FAM135B: variants seen among roughly 807,000 people sequenced by gnomAD.
FAM135B encodes protein FAM135B.
Under a neutral mutation model 127.7 loss-of-function variants are expected in FAM135B, and 43 were observed. The ratio of observed to expected loss-of-function variants is 0.34; its 90% CI spans 0.26 to 0.43. FAM135B has a LOEUF of 0.43. Among genes scored for constraint, FAM135B ranks in the 20% least tolerant of loss-of-function variants. The probability of loss-of-function intolerance (pLI) is 1.00; values close to 1 mark genes in which losing one functional copy is unlikely to be tolerated. For synonymous variants in FAM135B, 670 were observed against 665.1 expected (o/e 1.01, Z -0.11); for missense variants, 1,558 against 1,725.6 (o/e 0.90, Z 1.72).
intron 3 of FAM135B, among the ~76,000 whole-genome samples, chr8:138,289,197 G>C (rs1230424497): frequency 6.6e-6 from 1 of 152,154 alleles, no homozygotes; most frequent in African/African-American, 2.4e-5. Flanking sequence ...GATTCTTGCA[G>C]ACAGGTTGTC....
chr8:138,171,098 T>C lies in FAM135B; in HGVS notation c.1104-3049A>G, dbSNP rs556108522. 1.9e-3 allele frequency among the ~76,000 whole-genome samples: 288 copies of C among 152,278 alleles called. 2 individuals carry two copies. The highest frequency in any genetic ancestry group is 6.8e-3 in the Middle Eastern group (2 of 294). ...TGAGCCACGCTGCCAGCTCCCTTGG[T>C]CCTCCAGCTTGCAGAAGGCCCATCA... On this transcript the variant is annotated intron_variant, in intron 11 of 19. Coordinates refer to ENST00000395297, the MANE Select transcript of FAM135B (RefSeq NM_015912.4).
chr8:138,149,132 TAAAA>T lies in FAM135B; in HGVS notation c.3282-450_3282-447del, dbSNP rs1179901613. Among the ~76,000 whole-genome samples, 618 of 85,430 alleles carry T rather than the reference TAAAA, an allele frequency of 7.2e-3. 10 individuals carry two copies. The highest frequency in any genetic ancestry group is 0.026 in the African/African-American group (576 of 22,156). The allele number at this position is 85,430 out of a possible 152,430, so 56.0% of individuals were successfully genotyped here. A position where few individuals can be genotyped will look rare whatever the true frequency, so the allele number is the denominator to read the frequency against. On this transcript the variant is annotated intron_variant, in intron 13 of 19. Coordinates refer to ENST00000395297, the MANE Select transcript of FAM135B (RefSeq NM_015912.4). ...TACCCTAAAACTTAAAGTATAATAA[TAAAA>T]AAATAAATAAATAAATAAATAAATA... is the stretch of plus-strand genomic sequence containing the variant.
chr8:138,246,915 G>A (rs774739937), intron 6 of FAM135B, among the ~76,000 whole-genome samples: 2 of 152,196 alleles, frequency 1.3e-5, no homozygotes, highest in Non-Finnish European at 2.9e-5. Flanking sequence ...GCCTGGATGT[G>A]AGACATGGAG....
intron 1 of FAM135B, among the ~76,000 whole-genome samples, chr8:138,383,623 A>T (rs1832004339): frequency 1.3e-5 from 2 of 152,250 alleles, no homozygotes; most frequent in South Asian, 4.1e-4. Context: ...TTAATCTTCA[A>T]AACTCAACAT....
At chr8:138,135,719 C>T (rs138471216) in intron 19 of FAM135B, among the ~76,000 whole-genome samples, 94 of 152,274 alleles carry the variant, frequency 6.2e-4, no homozygotes, top group African/African-American at 2.1e-3. Context: ...AAAGTTTACA[C>T]ATGCAAAGTC....
At chr8:138,204,210 G>A (rs1817380720) in intron 7 of FAM135B, among the ~76,000 whole-genome samples, 1 of 152,116 alleles carries the variant, frequency 6.6e-6, no homozygotes. Flanking sequence ...CAGAGCTTTA[G>A]TGGCACTTCT....
At chr8:138,155,687 A>G (rs1440153512) in intron 12 of FAM135B, among the ~76,000 whole-genome samples, 1 of 152,210 alleles carries the variant, frequency 6.6e-6, no homozygotes, top group Non-Finnish European at 1.5e-5. Context: ...CAAAGACCAA[A>G]AAAGACAAAG....
chr8:138,491,849 G>C (rs1295742798), intron 1 of FAM135B, among the ~76,000 whole-genome samples: 2 of 152,200 alleles, frequency 1.3e-5, no homozygotes, highest in African/African-American at 4.8e-5. Context: ...GTGATTACCA[G>C]GGAGAAGAAT....
rs1033303507 is a variant in FAM135B at position 138,241,189 on chromosome 8, C to T, written c.669+1753G>A. On this transcript the variant is annotated intron_variant, in intron 7 of 19. Transcript: ENST00000395297. The surrounding 1 kb of genome is among the most constrained non-coding windows in gnomAD (Gnocchi z 4.8). ...TGTAGCAAAGGACCCACAGCAGGGA[C>T]AGTCCAATGACATGCTACAGGGCTC... Among the ~76,000 whole-genome samples, 4 of 152,212 alleles carry T rather than the reference C, an allele frequency of 2.6e-5. No homozygotes were observed. The highest frequency in any genetic ancestry group is 6.5e-5 in the Admixed American group (1 of 15,278).
intron 4 of FAM135B, among the ~76,000 whole-genome samples, chr8:138,261,188 G>A (rs1224284034): frequency 6.6e-6 from 1 of 151,946 alleles, no homozygotes; most frequent in Non-Finnish European, 1.5e-5. Context: ...ACCTCTGTCT[G>A]AATCACCAGG....
chr8:138,455,919 C>T (rs1411188100), intron 1 of FAM135B, among the ~76,000 whole-genome samples: 3 of 152,208 alleles, frequency 2.0e-5, no homozygotes. Context: ...CAGATCTACA[C>T]CCTCCATATG....
At chr8:138,193,289 G>A (rs1181919214) in intron 9 of FAM135B, among the ~76,000 whole-genome samples, 1 of 152,228 alleles carries the variant, frequency 6.6e-6, no homozygotes, top group Non-Finnish European at 1.5e-5. Context: ...CAAGCACTTA[G>A]AACTGTGCCA....
chr8:138,191,200 C>T (rs1239502024), intron 9 of FAM135B, among the ~76,000 whole-genome samples: 1 of 152,240 alleles, frequency 6.6e-6, no homozygotes, highest in Admixed American at 6.5e-5. Flanking sequence ...GCACTGTGCA[C>T]CTGTGACCCC....
intron 1 of FAM135B, among the ~76,000 whole-genome samples, chr8:138,431,338 C>T (rs938031952): frequency 2.0e-5 from 3 of 152,116 alleles, no homozygotes; most frequent in Non-Finnish European, 4.4e-5. Flanking sequence ...TCATAATATG[C>T]CTCTTAATTA....
At chr8:138,464,402 C>G (rs1157375714) in intron 1 of FAM135B, among the ~76,000 whole-genome samples, 5 of 152,086 alleles carry the variant, frequency 3.3e-5, no homozygotes, top group African/African-American at 1.2e-4. Context: ...AAAACCTCCC[C>G]CCCAACACAT....
chr8:138,175,249 C>G (rs4243886), intron 11 of FAM135B, among the ~76,000 whole-genome samples: 90,150 of 152,024 alleles, frequency 0.59, 27,382 homozygotes, highest in East Asian at 0.98. Context: ...TGGACTGGTC[C>G]CTACTGCCCT....
intron 1 of FAM135B, among the ~76,000 whole-genome samples, chr8:138,448,974 G>C (rs1373370036): frequency 1.3e-5 from 2 of 152,100 alleles, no homozygotes; most frequent in Non-Finnish European, 2.9e-5. Flanking sequence ...TTTCTCATGA[G>C]ACTAAATACA....
chr8:138,386,510 G>T (rs1335294001), intron 1 of FAM135B, among the ~76,000 whole-genome samples: 3 of 152,140 alleles, frequency 2.0e-5, no homozygotes, highest in Non-Finnish European at 4.4e-5. Context: ...TGGAAGAAAA[G>T]AATGGAAGAT....
intron 1 of FAM135B, among the ~76,000 whole-genome samples, chr8:138,380,555 C>A (rs1831786831): frequency 6.6e-6 from 1 of 152,092 alleles, no homozygotes; most frequent in African/African-American, 2.4e-5. Flanking sequence ...CCTACCACCA[C>A]CTTGTCCACC....
Sources: gnomAD v4.1 joint callset for allele counts (sites outside exome capture counted in the v4.1 genomes callset) on GRCh38, gnomAD v4.1.1 for gene constraint, Gnocchi (gnomAD v3.1) non-coding constraint, MANE v1.5 for transcripts, NCBI Gene and HGNC (gene_info 2026-07-23, HGNC 2026-07-21) for gene names.